The following ACAD11 variants were observed in gnomAD, a reference collection of about 807,000 sequenced individuals.
The protein encoded by ACAD11 is acyl-Coenzyme A dehydrogenase family, member 11.
A neutral mutation model predicts 102.2 loss-of-function variants in ACAD11; 83 were observed. The ratio of observed to expected loss-of-function variants is 0.81; its 90% CI spans 0.68 to 0.97. The LOEUF is 0.97. Among genes scored for constraint, ACAD11 ranks in the 50% least tolerant of loss-of-function variants. The pLI is 0.00. For missense variants in ACAD11, 901 were observed against 951.7 expected (o/e 0.95, Z 0.70); for synonymous variants, 324 against 319.8 (o/e 1.01, Z -0.14).
At chr3:132,587,090 C>T (rs62291486) in intron 13 of ACAD11, among the ~76,000 whole-genome samples, 14,047 of 152,158 alleles carry the variant, frequency 0.092, 815 homozygotes, top group Middle Eastern at 0.14. Context: ...AAGAGCAAAA[C>T]TCTGTCTCAA....
intron 7 of ACAD11, among the ~76,000 whole-genome samples, chr3:132,629,015 A>G (rs781239400): frequency 5.9e-5 from 9 of 152,216 alleles, no homozygotes; most frequent in Non-Finnish European, 1.2e-4. Context: ...TGTCTTCTTT[A>G]TATAATTCCT....
chr3:132,620,932 T>C (rs1290810156), intron 9 of ACAD11, among the ~76,000 whole-genome samples: 1 of 152,140 alleles, frequency 6.6e-6, no homozygotes, highest in African/African-American at 2.4e-5. Context: ...GAAAAATAGA[T>C]TAGATAACAG....
chr3:132,643,788 G>A (rs184217878), intron 2 of ACAD11, among the ~76,000 whole-genome samples: 111 of 152,258 alleles, frequency 7.3e-4, no homozygotes, highest in Non-Finnish European at 1.4e-3. Context: ...GGATCACAGA[G>A]CTGGAGCATT....
At chr3:132,617,268 G>A (rs1452508584) in intron 11 of ACAD11, among the ~76,000 whole-genome samples, 1 of 152,050 alleles carries the variant, frequency 6.6e-6, no homozygotes, top group African/African-American at 2.4e-5. Context: ...GAATCTCTAG[G>A]GATGGAGGCT....
intron 14 of ACAD11, 199 bp downstream of exon 14, chr3:132,579,293 A>G (rs751998557): frequency 1.1e-4 from 69 of 613,062 alleles, no homozygotes; most frequent in Non-Finnish European, 1.8e-4. Flanking sequence ...ACAGCGAAGA[A>G]TGTTCAGCAA....
intron 19 of ACAD11, among the ~76,000 whole-genome samples, chr3:132,559,584 G>A (rs1186414428): frequency 1.3e-5 from 2 of 151,996 alleles, no homozygotes. Context: ...GAAACCCCAT[G>A]CTGTATCTAC....
intron 12 of ACAD11, 105 bp from the exon 13 acceptor site, chr3:132,603,432 T>C (rs910147904): frequency 1.0e-5 from 10 of 973,972 alleles, no homozygotes; most frequent in Middle Eastern, 3.0e-4. Context: ...TCTTTTTCAA[T>C]GTCCTTTCAC....
intron 5 of ACAD11, among the ~76,000 whole-genome samples, chr3:132,636,714 A>AT (rs1213101658): frequency 6.6e-6 from 1 of 152,092 alleles, no homozygotes; most frequent in East Asian, 1.9e-4. Context: ...AGAGGGACAA[A>AT]TTTTCTTGGC....
intron 5 of ACAD11, among the ~76,000 whole-genome samples, chr3:132,633,455 G>C (rs551524750): frequency 6.5e-4 from 99 of 152,280 alleles, no homozygotes; most frequent in African/African-American, 2.4e-3. Context: ...GCTTTTTGAT[G>C]TGCTGCTGGA....
At chr3:132,585,004 C>A (rs942586733) in intron 13 of ACAD11, among the ~76,000 whole-genome samples, 1 of 152,122 alleles carries the variant, frequency 6.6e-6, no homozygotes, top group Admixed American at 6.5e-5. Context: ...CTTTAAAGTT[C>A]ATATGGAACC....
chr3:132,603,224 C>T lies in ACAD11; in HGVS notation c.1621+5G>A, dbSNP rs371620658. 6.2e-7 allele frequency: 1 copy of T among 1,612,898 alleles called. No homozygotes were observed. Among genetic ancestry groups the T allele is most frequent in the African/African-American group, 1.3e-5 (1 of 74,902 alleles). On this transcript the variant is annotated splice_donor_5th_base_variant and intron_variant, in intron 13 of 19. Coordinates refer to ENST00000264990, the MANE Select transcript of ACAD11 (RefSeq NM_032169.5). The stretch of plus-strand genomic sequence containing the variant: ...TTAGGTGAAAAAATTAGGCTGAACA[C>T]TCACCACTGCTCCACCATTTTTTGC...
Position 132,571,193 on chromosome 3 carries a change from A to G in ACAD11, c.2001+4579T>C, listed in dbSNP as rs867253313. ...TTATTTTTTAATAACAGCCATTCTG[A>G]CTAGTGTTAGATAGTATCTCACTGT... On this transcript the variant is annotated intron_variant, in intron 17 of 19. Coordinates refer to ENST00000264990, the MANE Select transcript of ACAD11 (RefSeq NM_032169.5). 9.9e-5 allele frequency among the ~76,000 whole-genome samples: 15 copies of G among 152,096 alleles called. 1 individual carries two copies. The Middle Eastern group carries it at 0.01, about 103-fold the overall frequency.
At chr3:132,640,310 G>A (rs922540502) in intron 4 of ACAD11, among the ~76,000 whole-genome samples, 1 of 151,998 alleles carries the variant, frequency 6.6e-6, no homozygotes, top group African/African-American at 2.4e-5. Context: ...AGCTGGTCTC[G>A]AACTCCTGAC....
Position 132,583,024 on chromosome 3 carries a change from G to T in ACAD11, c.1622-3466C>A, listed in dbSNP as rs372413672. Among the ~76,000 whole-genome samples, 164 of 152,212 alleles carry T rather than the reference G, an allele frequency of 1.1e-3. 1 individual carries two copies. The highest frequency in any genetic ancestry group is 3.8e-3 in the African/African-American group (156 of 41,538). On this transcript the variant is annotated intron_variant, in intron 13 of 19. Coordinates refer to ENST00000264990, the MANE Select transcript of ACAD11 (RefSeq NM_032169.5). ...GTCTAAAATTCTGTTTTTTTGTTGTGTCTCTGCCAGGCTTTGGTATCAGGA... is the reference window on the plus strand; with the variant it reads ...GTCTAAAATTCTGTTTTTTTGTTGTTTCTCTGCCAGGCTTTGGTATCAGGA...
At position 132,639,675 on chromosome 3, in the gene ACAD11, G is replaced by A; in HGVS notation, c.538-19C>T. On this transcript the variant is annotated intron_variant, in intron 4 of 19. Transcript: ENST00000264990. ...TTGATACCTAAAGACATATAAATAA[G>A]AAAAATGGTAAAGCTGAAACTGGAA... 6.3e-7 allele frequency: 1 copy of A among 1,590,946 alleles called. No individual in the cohort carries two copies. Among genetic ancestry groups the A allele is most frequent in the Non-Finnish European group, 8.5e-7 (1 of 1,172,936 alleles).
chr3:132,630,395 T>C (rs1576605177), intron 7 of ACAD11, 42 bp downstream of exon 7: 1 of 1,590,486 alleles, frequency 6.3e-7, no homozygotes, highest in South Asian at 1.2e-5. Context: ...AACAGTACAC[T>C]GGTAAATAAT....
rs139939313 is a variant in ACAD11 at position 132,598,535 on chromosome 3, G to T, written c.1621+4694C>A. 1.1e-3 allele frequency among the ~76,000 whole-genome samples: 171 copies of T among 152,324 alleles called. 1 individual carries two copies. Among genetic ancestry groups the T allele is most frequent in the African/African-American group, 4.0e-3 (167 of 41,568 alleles). On this transcript the variant is annotated intron_variant, in intron 13 of 19. Coordinates refer to ENST00000264990, the MANE Select transcript of ACAD11 (RefSeq NM_032169.5). ...AGAGGAACAAGGTAGTATGGGAAACGCATCCTTTCCACAGAATGGATCAGT... is the reference window on the plus strand; with the variant it reads ...AGAGGAACAAGGTAGTATGGGAAACTCATCCTTTCCACAGAATGGATCAGT...
At chr3:132,594,243 G>T (rs1277154750) in intron 13 of ACAD11, among the ~76,000 whole-genome samples, 1 of 152,126 alleles carries the variant, frequency 6.6e-6, no homozygotes, top group Non-Finnish European at 1.5e-5. Context: ...CAACCGATTT[G>T]CAATAAAGGA....
Position 132,618,685 on chromosome 3 carries a change from CT to C in ACAD11, c.1362del (p.Glu455LysfsTer52). On this transcript the variant is annotated frameshift_variant, in exon 11 of 20. Coordinates refer to ENST00000264990, the MANE Select transcript of ACAD11 (RefSeq NM_032169.5). LOFTEE classifies it high-confidence loss of function. ...GGAGCAAAAAAGCATTTTCCTGTTT[CT>C]TCAGCAATCAAGGCATAGTCCACGT... ...LSHVDYALIA[E>X]ETGKCFFAPD... The C allele has an allele frequency of 6.2e-7, 1 of 1,608,330 alleles. No individual in the cohort carries two copies. Among genetic ancestry groups the C allele is most frequent in the Non-Finnish European group, 8.5e-7 (1 of 1,177,746 alleles).
Sources: allele counts gnomAD v4.1 joint callset (sites outside exome capture counted in the v4.1 genomes callset), GRCh38; gene constraint gnomAD v4.1.1; transcripts MANE v1.5; gene names NCBI Gene and HGNC (gene_info 2026-07-23, HGNC 2026-07-21).